GRAP2: variants seen among roughly 807,000 people sequenced by gnomAD.
The protein encoded by GRAP2 is GRB2 related adaptor protein 2.
GRAP2 carries 31 observed loss-of-function variants against 43.5 expected under a neutral mutation model. The observed-to-expected ratio is 0.71, with a 90% confidence interval of 0.54 to 0.96. GRAP2 has a LOEUF of 0.96. Among genes scored for constraint, GRAP2 ranks in the 40% least tolerant of loss-of-function variants. The pLI is 0.00. For synonymous variants in GRAP2, 156 were observed against 164.8 expected (o/e 0.95, Z 0.41); for missense variants, 371 against 424.4 (o/e 0.87, Z 1.11).
intron 1 of GRAP2, among the ~76,000 whole-genome samples, chr22:39,927,010 A>AT (rs1397855488): frequency 6.6e-6 from 1 of 152,198 alleles, no homozygotes. Flanking sequence ...CTGAGGTGGA[A>AT]TGCACAGTTG....
intron 3 of GRAP2, among the ~76,000 whole-genome samples, chr22:39,958,831 T>C (rs892590707): frequency 1.3e-5 from 2 of 152,152 alleles, no homozygotes; most frequent in Admixed American, 6.5e-5. Flanking sequence ...CCCTGTAGAA[T>C]TGTGTGGCAA....
intron 7 of GRAP2, among the ~76,000 whole-genome samples, chr22:39,969,773 G>C (rs2067219243): frequency 6.6e-6 from 1 of 152,186 alleles, no homozygotes; most frequent in South Asian, 2.1e-4. Context: ...AATTAGCCAG[G>C]CATGGTGGCA....
intron 4 of GRAP2, among the ~76,000 whole-genome samples, chr22:39,962,715 T>G (rs899762636): frequency 1.3e-5 from 2 of 152,026 alleles, no homozygotes; most frequent in East Asian, 3.9e-4. Flanking sequence ...TGGAGTGCAG[T>G]GGCGCAATCT....
chr22:39,948,332 T>C (rs1046190898), intron 2 of GRAP2: 1 of 152,036 alleles, frequency 6.6e-6, no homozygotes, highest in African/African-American at 2.4e-5. Context: ...TGTCACTGCT[T>C]TGGGGTCTTA....
intron 3 of GRAP2, 99 bp downstream of exon 3, chr22:39,956,009 C>G (rs867316652): frequency 3.1e-5 from 22 of 707,568 alleles, no homozygotes; most frequent in Middle Eastern, 6.4e-4. Context: ...AAGACATTGT[C>G]AAAAATGGCT....
intron 6 of GRAP2, chr22:39,968,731 G>T (rs902052444): frequency 2.8e-4 from 46 of 166,332 alleles, no homozygotes; most frequent in Non-Finnish European, 4.0e-4. Context: ...GGACAATACG[G>T]CCAGATAACA....
intron 1 of GRAP2, among the ~76,000 whole-genome samples, chr22:39,944,527 G>A (rs2066901735): frequency 6.6e-6 from 1 of 152,182 alleles, no homozygotes; most frequent in Non-Finnish European, 1.5e-5. Flanking sequence ...TATAAAGAGT[G>A]GGCCTGTTTA....
intron 1 of GRAP2, among the ~76,000 whole-genome samples, chr22:39,939,901 C>T (rs2066848604): frequency 6.6e-6 from 1 of 152,120 alleles, no homozygotes; most frequent in Admixed American, 6.5e-5. Flanking sequence ...AGGGCAACTC[C>T]ATCTCAAAGT....
chr22:39,965,178 T>C (rs2067159687), intron 4 of GRAP2, among the ~76,000 whole-genome samples: 1 of 152,074 alleles, frequency 6.6e-6, no homozygotes, highest in East Asian at 1.9e-4. Flanking sequence ...TCACCGGAGG[T>C]CTGGACTTCA....
rs2066905007 is a variant in GRAP2 at position 39,944,767 on chromosome 22, G to A, written c.-14-2326G>A. ...GCTGAGTTACATGTCATGTTGGAAA[G>A]ATCTTCCCCAAATCAAGGTCTTATC... On this transcript the variant is annotated intron_variant, in intron 1 of 7. Coordinates refer to ENST00000344138, the MANE Select transcript of GRAP2 (RefSeq NM_004810.4). Among the ~76,000 whole-genome samples, 3 of 152,222 alleles carry A rather than the reference G, an allele frequency of 2.0e-5. No individual in the cohort carries two copies. In the South Asian group the frequency reaches 6.2e-4, roughly 32 times the overall value.
intron 1 of GRAP2, among the ~76,000 whole-genome samples, chr22:39,909,717 C>A (rs1270426351): frequency 1.3e-5 from 2 of 152,028 alleles, no homozygotes; most frequent in African/African-American, 4.8e-5. Context: ...AATGGTACCA[C>A]AATGCAAAAC....
At chr22:39,947,291 A>G in intron 2 of GRAP2, 107 bp downstream of exon 2, 1 of 755,148 alleles carries the variant, frequency 1.3e-6, no homozygotes, top group African/African-American at 1.7e-5. Context: ...CCTTTTAAAA[A>G]GAGAAGTTCA....
intron 1 of GRAP2, among the ~76,000 whole-genome samples, chr22:39,933,641 G>A (rs2066778035): frequency 6.6e-6 from 1 of 152,084 alleles, no homozygotes; most frequent in Non-Finnish European, 1.5e-5. Flanking sequence ...AGGAATTCAA[G>A]ATGAGCCTGG....
chr22:39,959,918 A>G (rs183162959), intron 3 of GRAP2, 137 bp from the exon 4 acceptor site: 40 of 731,228 alleles, frequency 5.5e-5, no homozygotes, highest in Non-Finnish European at 2.4e-5. Context: ...TTGATTTCAA[A>G]CAGCACCTGG....
chr22:39,906,923 G>A (rs994101303), intron 1 of GRAP2, among the ~76,000 whole-genome samples: 1 of 152,148 alleles, frequency 6.6e-6, no homozygotes, highest in Non-Finnish European at 1.5e-5. Flanking sequence ...ACAAAGTGGG[G>A]TGGAAAGCCT....
chr22:39,896,196 A>G (rs76991462), upstream of GRAP2, among the ~76,000 whole-genome samples: 43 of 152,336 alleles, frequency 2.8e-4, no homozygotes, highest in Admixed American at 2.1e-3. Flanking sequence ...GAAGAACAGA[A>G]TGTTCTGATA....
chr22:39,933,261 G>A, intron 1 of GRAP2, among the ~76,000 whole-genome samples: 1 of 152,248 alleles, frequency 6.6e-6, no homozygotes, highest in South Asian at 2.1e-4. Flanking sequence ...AGGCCTTTAT[G>A]CAGTGAGCAA....
chr22:39,949,286 C>T (rs552414909), intron 2 of GRAP2, among the ~76,000 whole-genome samples: 11 of 152,316 alleles, frequency 7.2e-5, no homozygotes, highest in African/African-American at 2.2e-4. Flanking sequence ...CAGTAACCAA[C>T]GTCTCCTGAG....
At chr22:39,948,143 A>C (rs1168668260) in intron 2 of GRAP2, 1 of 152,176 alleles carries the variant, frequency 6.6e-6, no homozygotes, top group Non-Finnish European at 1.5e-5. Context: ...AGAGGGTGAC[A>C]TTGAAAGTGT....
Sources: gnomAD v4.1 joint callset for allele counts (sites outside exome capture counted in the v4.1 genomes callset) on GRCh38, gnomAD v4.1.1 for gene constraint, MANE v1.5 for transcripts, NCBI Gene and HGNC (gene_info 2026-07-23, HGNC 2026-07-21) for gene names.